TJP1: variants seen among roughly 807,000 people sequenced by gnomAD.
The protein encoded by TJP1 is tight junction protein 1.
In TJP1, 43 loss-of-function variants were observed where a neutral mutation model predicts 194.2. That is an observed-to-expected ratio of 0.22 (90% CI 0.17 to 0.29). TJP1 has a LOEUF of 0.29. Among genes scored for constraint, TJP1 ranks in the 10% least tolerant of loss-of-function variants. The pLI is 1.00. For synonymous variants in TJP1, 801 were observed against 779.0 expected (o/e 1.03, Z -0.47); for missense variants, 1,971 against 2,185.7 (o/e 0.90, Z 1.96).
At chr15:29,838,750 C>T (rs1306393725) in intron 2 of TJP1, among the ~76,000 whole-genome samples, 1 of 152,050 alleles carries the variant, frequency 6.6e-6, no homozygotes. Flanking sequence ...TCTCATGTTA[C>T]TCCTTACAGC....
At chr15:29,955,489 T>C (rs1170179946) in intron 2 of TJP1, among the ~76,000 whole-genome samples, 1 of 151,862 alleles carries the variant, frequency 6.6e-6, no homozygotes, top group African/African-American at 2.4e-5. Context: ...TCACTTGGCC[T>C]TGAAAAAAAT....
At chr15:29,881,065 C>A (rs562398004) in intron 2 of TJP1, among the ~76,000 whole-genome samples, 10 of 152,316 alleles carry the variant, frequency 6.6e-5, no homozygotes, top group Non-Finnish European at 1.3e-4. Flanking sequence ...GTGCACAATG[C>A]AAGGGCTCCC....
At chr15:29,865,926 T>C (rs1477926503) in intron 2 of TJP1, among the ~76,000 whole-genome samples, 1 of 152,202 alleles carries the variant, frequency 6.6e-6, no homozygotes, top group Non-Finnish European at 1.5e-5. Context: ...CCAGGCACTG[T>C]GCTAGGAGAC....
chr15:29,705,626 A>G lies in TJP1; in HGVS notation c.4970T>C (p.Ile1657Thr). 6.2e-7 allele frequency: 1 copy of G among 1,614,188 alleles called. No individual in the cohort carries two copies. Reference protein sequence around the residue: ...LSSIETGVSIIIPQGAIPEGV... With the variant: ...LSSIETGVSITIPQGAIPEGV... ...TTCGGGAATGGCTCCTTGAGGGATA[A>G]TTATACTAACACCAGTTTCTATGGA... The change falls in exon 26 of 28, where the codon ATT becomes ACT. Residue 1657 changes from isoleucine (I) to threonine (T), a missense_variant. This residue lies in a region of TJP1 where 1,108 missense variants were observed against 1,128.5 expected (regional missense o/e 0.98). Transcript: ENST00000614355.
chr15:29,955,790 A>C (rs2152313548), intron 2 of TJP1, among the ~76,000 whole-genome samples: 1 of 150,170 alleles, frequency 6.7e-6, no homozygotes, highest in South Asian at 2.1e-4. Context: ...AAAAGAATAG[A>C]AAGAAAGCAC....
intron 2 of TJP1, among the ~76,000 whole-genome samples, chr15:29,935,937 C>A (rs2054866966): frequency 6.6e-6 from 1 of 152,168 alleles, no homozygotes; most frequent in Non-Finnish European, 1.5e-5. Context: ...CAGTCCTCAA[C>A]ATGTTCCTAG....
intron 2 of TJP1, among the ~76,000 whole-genome samples, chr15:29,881,886 A>G (rs1237964615): frequency 6.6e-6 from 1 of 152,016 alleles, no homozygotes; most frequent in African/African-American, 2.4e-5. Context: ...AAAGTGTTCA[A>G]GGATGTTTAT....
intron 2 of TJP1, among the ~76,000 whole-genome samples, chr15:29,843,035 A>G (rs2051282367): frequency 2.0e-5 from 3 of 152,222 alleles, no homozygotes; most frequent in Admixed American, 6.5e-5. Flanking sequence ...CCTGTATGAG[A>G]AAGTAAATAA....
intron 2 of TJP1, among the ~76,000 whole-genome samples, chr15:29,788,723 T>C (rs187775968): frequency 2.6e-5 from 4 of 152,360 alleles, no homozygotes; most frequent in Admixed American, 2.6e-4. Context: ...ATATTTAATC[T>C]TTTACATAAT....
chr15:29,722,762 A>C (rs1335361715), intron 18 of TJP1, among the ~76,000 whole-genome samples: 1 of 152,178 alleles, frequency 6.6e-6, no homozygotes, highest in Non-Finnish European at 1.5e-5. Flanking sequence ...CAGTCCATGA[A>C]AGGAGCTGCA....
chr15:29,750,741 C>A (rs1030845921), intron 8 of TJP1, among the ~76,000 whole-genome samples: 4 of 152,128 alleles, frequency 2.6e-5, no homozygotes, highest in African/African-American at 9.7e-5. Flanking sequence ...AAAGCCAACT[C>A]CCCATTACAA....
intron 2 of TJP1, among the ~76,000 whole-genome samples, chr15:29,789,563 A>G (rs565003911): frequency 6.6e-5 from 10 of 152,244 alleles, no homozygotes; most frequent in Non-Finnish European, 1.2e-4. Flanking sequence ...TTCTAGAAAT[A>G]TAAGATGAAG....
chr15:29,955,816 TG>T (rs2055920240), intron 2 of TJP1, among the ~76,000 whole-genome samples: 1 of 145,970 alleles, frequency 6.9e-6, no homozygotes, highest in South Asian at 2.2e-4. Context: ...TTAACTGAAT[TG>T]GGATCCGTAC....
intron 2 of TJP1, among the ~76,000 whole-genome samples, chr15:29,783,176 A>C (rs1173685730): frequency 6.6e-6 from 1 of 152,148 alleles, no homozygotes; most frequent in Non-Finnish European, 1.5e-5. Context: ...CAGGAGGCTG[A>C]GGCAGGAGAA....
At chr15:29,761,377 G>A (rs1017616077) in intron 7 of TJP1, 91 bp from the exon 8 acceptor site, 10 of 1,463,060 alleles carry the variant, frequency 6.8e-6, no homozygotes, top group Admixed American at 4.5e-5. Context: ...AAGCTAGTAA[G>A]TAAAATTATA....
intron 1 of TJP1, chr15:29,956,385 C>A (rs781456898): frequency 2.9e-5 from 37 of 1,282,572 alleles, no homozygotes; most frequent in Non-Finnish European, 3.7e-5. Flanking sequence ...GAAAAAAATT[C>A]TTAAAAAGGC....
At chr15:29,884,352 A>G (rs2053041985) in intron 2 of TJP1, among the ~76,000 whole-genome samples, 1 of 152,162 alleles carries the variant, frequency 6.6e-6, no homozygotes, top group Admixed American at 6.5e-5. Context: ...GCCCCACACC[A>G]GGCCCAGTGA....
chr15:29,943,025 G>C (rs753870471), intron 2 of TJP1, among the ~76,000 whole-genome samples: 2 of 152,176 alleles, frequency 1.3e-5, no homozygotes, highest in African/African-American at 2.4e-5. Context: ...TGCTCTGATG[G>C]AGCGCACTTT....
intron 2 of TJP1, among the ~76,000 whole-genome samples, chr15:29,877,542 T>C (rs2052747875): frequency 6.6e-6 from 1 of 152,036 alleles, no homozygotes; most frequent in African/African-American, 2.4e-5. Context: ...TTTTCTTCTC[T>C]TCTCTTTTCT....
Sources: gnomAD v4.1 joint callset for allele counts (sites outside exome capture counted in the v4.1 genomes callset) on GRCh38, gnomAD v4.1.1 for gene constraint, gnomAD v4.1.1 regional missense constraint, MANE v1.5 for transcripts, NCBI Gene and HGNC (gene_info 2026-07-23, HGNC 2026-07-21) for gene names.